Variants in ALDH1A2 observed in about 807,000 individuals in gnomAD.
ALDH1A2 encodes retinal dehydrogenase 2.
In ALDH1A2, 27 loss-of-function variants were observed where a neutral mutation model predicts 60.3. The ratio of observed to expected loss-of-function variants is 0.45; its 90% CI spans 0.33 to 0.62. The LOEUF (loss-of-function observed/expected upper bound fraction) is 0.62, where lower values mean the gene tolerates loss of function less well. ALDH1A2 is among the 20% of genes least tolerant of loss of function. The pLI is 0.02. For missense variants in ALDH1A2, 581 were observed against 643.8 expected (o/e 0.90, Z 1.06); for synonymous variants, 289 against 232.4 (o/e 1.24, Z -2.21).
intron 7 of ALDH1A2, among the ~76,000 whole-genome samples, chr15:57,991,232 T>TG: frequency 1.3e-5 from 2 of 152,218 alleles, no homozygotes; most frequent in Admixed American, 1.3e-4. Context: ...TTTCTTAGCA[T>TG]CTAGCCTTTA....
intron 7 of ALDH1A2, among the ~76,000 whole-genome samples, chr15:57,971,045 A>T (rs1311737977): frequency 6.6e-6 from 1 of 152,196 alleles, no homozygotes; most frequent in Non-Finnish European, 1.5e-5. Flanking sequence ...CAGCAGTTTA[A>T]ACCTTTATCT....
At chr15:58,013,757 A>C in intron 3 of ALDH1A2, 101 bp downstream of exon 3, 1 of 1,475,294 alleles carries the variant, frequency 6.8e-7, no homozygotes, top group East Asian at 2.4e-5. Context: ...GTCTCAAAAA[A>C]TAAAATAAAT....
At chr15:57,992,491 C>T (rs1461395357) in intron 7 of ALDH1A2, among the ~76,000 whole-genome samples, 1 of 152,204 alleles carries the variant, frequency 6.6e-6, no homozygotes, top group Non-Finnish European at 1.5e-5. Flanking sequence ...GATGGTATCA[C>T]AAAAATGCTC....
At position 57,963,944 on chromosome 15, in the gene ALDH1A2, G is replaced by A. The variant is rs137957671; in HGVS notation, c.1027C>T (p.Arg343Trp). The A allele has an allele frequency of 1.4e-5, 23 of 1,613,946 alleles. No homozygotes were observed. Among genetic ancestry groups the A allele is most frequent in the Middle Eastern group, 1.6e-4 (1 of 6,084 alleles). ...YEEFVRRSVE[R>W]AKRRVVGSPF... is the part of the protein sequence containing the mutation. ...CTCCCCACTACGCGCCTCTTGGCCC[G>A]CTCCACGCTTCTTCTCACAAACTCC... Residue 343 changes from arginine (R) to tryptophan (W), a missense_variant, in exon 9 of 13, where the codon CGG (arginine) becomes TGG (tryptophan). Physicochemically the swap from Arg to Trp is moderately radical, Grantham distance 101. Transcript: ENST00000249750.
chr15:58,059,854 G>A (rs868562108), intron 1 of ALDH1A2, among the ~76,000 whole-genome samples: 4 of 152,094 alleles, frequency 2.6e-5, no homozygotes, highest in Non-Finnish European at 5.9e-5. Context: ...TATGAGTAAT[G>A]CACATAATAA....
chr15:58,054,111 A>C (rs780937983), intron 1 of ALDH1A2, among the ~76,000 whole-genome samples: 2 of 152,160 alleles, frequency 1.3e-5, no homozygotes, highest in Admixed American at 6.6e-5. Flanking sequence ...GCCAACTACA[A>C]AGGTTCCCAG....
chr15:57,995,458 T>C (rs1895025563), intron 4 of ALDH1A2, among the ~76,000 whole-genome samples: 1 of 152,082 alleles, frequency 6.6e-6, no homozygotes, highest in Non-Finnish European at 1.5e-5. Context: ...TTGAATTTTA[T>C]GTTAAATATT....
intron 4 of ALDH1A2, among the ~76,000 whole-genome samples, chr15:58,009,278 G>C (rs1469400867): frequency 6.6e-6 from 1 of 152,018 alleles, no homozygotes; most frequent in Admixed American, 6.6e-5. Context: ...CCAGAAGCTG[G>C]TTAGACATGC....
At chr15:58,019,783 G>T (rs1285899493) in intron 1 of ALDH1A2, among the ~76,000 whole-genome samples, 1 of 152,170 alleles carries the variant, frequency 6.6e-6, no homozygotes, top group Non-Finnish European at 1.5e-5. Flanking sequence ...TGGAATGTCT[G>T]CTGAGAGAGG....
At chr15:57,956,007 C>T (rs995969597) in intron 12 of ALDH1A2, among the ~76,000 whole-genome samples, 8 of 152,320 alleles carry the variant, frequency 5.3e-5, no homozygotes, top group East Asian at 3.9e-4. Flanking sequence ...GCTCCTCTTT[C>T]GTCCTCTCTG....
intron 1 of ALDH1A2, chr15:58,014,557 C>T (rs1895735650): frequency 2.0e-6 from 1 of 496,236 alleles, no homozygotes; most frequent in African/African-American, 1.9e-5. Flanking sequence ...GTCTCACATA[C>T]ATACAATCAT....
At chr15:58,014,305 G>T in intron 1 of ALDH1A2, 24 bp from the exon 2 acceptor site, 1 of 1,571,944 alleles carries the variant, frequency 6.4e-7, no homozygotes, top group Non-Finnish European at 8.8e-7. Context: ...TAACAGAATG[G>T]GATCTGTGAC....
intron 1 of ALDH1A2, among the ~76,000 whole-genome samples, chr15:58,054,016 G>A (rs1033309809): frequency 7.9e-5 from 12 of 152,102 alleles, no homozygotes; most frequent in Admixed American, 4.6e-4. Flanking sequence ...AAATTCTCAG[G>A]AGGGCTCCCA....
At chr15:57,988,484 A>G (rs1323798452) in intron 7 of ALDH1A2, among the ~76,000 whole-genome samples, 2 of 152,254 alleles carry the variant, frequency 1.3e-5, no homozygotes, top group Non-Finnish European at 2.9e-5. Flanking sequence ...TTGAACAACA[A>G]AAATGAAAAC....
At chr15:58,026,207 G>A (rs926479900) in intron 1 of ALDH1A2, among the ~76,000 whole-genome samples, 1 of 152,068 alleles carries the variant, frequency 6.6e-6, no homozygotes, top group African/African-American at 2.4e-5. Context: ...TAAATCAACA[G>A]CACATTGAAA....
At chr15:57,963,784 C>T (rs973714464) in intron 9 of ALDH1A2, 101 bp downstream of exon 9, 32 of 1,291,858 alleles carry the variant, frequency 2.5e-5, no homozygotes, top group Non-Finnish European at 3.1e-5. Context: ...AGGAGTCAGC[C>T]GAAAAGGAAG....
intron 12 of ALDH1A2, 78 bp from the exon 13 acceptor site, chr15:57,955,347 G>A: frequency 6.7e-7 from 1 of 1,486,314 alleles, no homozygotes; most frequent in African/African-American, 1.4e-5. Flanking sequence ...GTCCTGGGGA[G>A]GTGCAGTTTA....
chr15:58,019,551 A>T (rs1057008241), intron 1 of ALDH1A2, among the ~76,000 whole-genome samples: 6 of 152,214 alleles, frequency 3.9e-5, no homozygotes, highest in Admixed American at 6.5e-5. Context: ...GACTTACTAA[A>T]ATCATGTAAT....
In ALDH1A2 at chr15:58,011,834, A is replaced by T. The variant is rs186460333; in HGVS notation, c.364-1056T>A. ...CTTTTTAGAACATGTATATGTTTAC[A>T]AGATAGGCATTACATTCTCTATACA... On this transcript the variant is annotated intron_variant, in intron 3 of 12. Transcript: ENST00000249750. Among the ~76,000 whole-genome samples the T allele has an allele frequency of 2.6e-5, 4 of 152,368 alleles. No individual in the cohort carries two copies. In the East Asian group the frequency reaches 7.7e-4, roughly 29 times the overall value.
Sources: allele counts gnomAD v4.1 joint callset (sites outside exome capture counted in the v4.1 genomes callset), GRCh38; gene constraint gnomAD v4.1.1; transcripts MANE v1.5; gene names NCBI Gene and HGNC (gene_info 2026-07-23, HGNC 2026-07-21).